The following MCPH1 variants were observed in gnomAD, a reference collection of about 807,000 sequenced individuals.
MCPH1 encodes microcephalin 1.
A neutral mutation model predicts 84.5 loss-of-function variants in MCPH1; 104 were observed. The ratio of observed to expected loss-of-function variants is 1.23; its 90% confidence interval spans 1.05 to 1.45. The LOEUF (loss-of-function observed/expected upper bound fraction) is 1.45. MCPH1 is among the 40% of genes most tolerant of loss of function. The pLI, the probability that MCPH1 is intolerant of heterozygous loss-of-function variation, is 0.00. For missense variants in MCPH1, 1,498 were observed against 1,005.7 expected (o/e 1.49, Z -6.62); for synonymous variants, 514 against 366.8 (o/e 1.40, Z -4.58).
At chr8:6,459,267 A>C (rs1176330633) in intron 9 of MCPH1, among the ~76,000 whole-genome samples, 1 of 142,180 alleles carries the variant, frequency 7.0e-6, no homozygotes, top group East Asian at 2.0e-4. Context: ...TTTGGAACTT[A>C]ACACGGCCTT....
At chr8:6,424,791 G>C (rs771901578) in intron 3 of MCPH1, among the ~76,000 whole-genome samples, 3 of 152,208 alleles carry the variant, frequency 2.0e-5, no homozygotes, top group Non-Finnish European at 4.4e-5. Flanking sequence ...TTCGCTCTCT[G>C]CTGGCAGAGC....
chr8:6,555,283 A>G lies in MCPH1; in HGVS notation c.2214+55354A>G, dbSNP rs550413401. On this transcript the variant is annotated intron_variant, in intron 12 of 13. Transcript: ENST00000344683. The stretch of plus-strand genomic sequence containing the variant: ...TCTAATAGTGGGAAGAGAAGGCCAC[A>G]TGGAACTTCCCTGAGGCTGAATTTC... Among the ~76,000 whole-genome samples, 46 of 152,320 alleles carry G rather than the reference A, an allele frequency of 3.0e-4. 1 individual carries two copies. The highest frequency in any genetic ancestry group is 1.1e-3 in the African/African-American group (45 of 41,574).
intron 11 of MCPH1, among the ~76,000 whole-genome samples, chr8:6,489,286 C>G (rs1472287530): frequency 6.6e-6 from 1 of 151,704 alleles, no homozygotes; most frequent in South Asian, 2.1e-4. Flanking sequence ...GATCTCTGGG[C>G]TGTGCCCCTA....
intron 12 of MCPH1, among the ~76,000 whole-genome samples, chr8:6,538,517 C>G (rs1215933729): frequency 6.6e-6 from 1 of 152,188 alleles, no homozygotes; most frequent in Non-Finnish European, 1.5e-5. Flanking sequence ...ACTGGCGCCC[C>G]TGATCTTGTG....
intron 13 of MCPH1, among the ~76,000 whole-genome samples, chr8:6,636,749 C>G (rs899835064): frequency 6.6e-6 from 1 of 152,190 alleles, no homozygotes; most frequent in Admixed American, 6.5e-5. Flanking sequence ...GTTTTAGACT[C>G]TGGTCCTATC....
At chr8:6,484,319 A>C (rs991668737) in intron 11 of MCPH1, among the ~76,000 whole-genome samples, 3 of 152,240 alleles carry the variant, frequency 2.0e-5, no homozygotes, top group Admixed American at 2.0e-4. Flanking sequence ...GCTCATCATT[A>C]TTGCTCACTT....
At chr8:6,567,153 A>C (rs1826253225) in intron 12 of MCPH1, among the ~76,000 whole-genome samples, 1 of 78,604 alleles carries the variant, frequency 1.3e-5, no homozygotes, top group South Asian at 4.8e-4. Flanking sequence ...GGCCATGGAT[A>C]GTGCCCGTGG....
At chr8:6,544,299 A>G (rs1822141731) in intron 12 of MCPH1, among the ~76,000 whole-genome samples, 2 of 152,342 alleles carry the variant, frequency 1.3e-5, no homozygotes, top group Admixed American at 6.5e-5. Context: ...CCAGCAGTCC[A>G]GCAAAAATGT....
chr8:6,438,969 T>C lies in MCPH1; in HGVS notation c.453T>C (p.Ile151=). The C allele has an allele frequency of 1.2e-6, 2 of 1,612,430 alleles. No homozygotes were observed. The highest frequency in any genetic ancestry group is 1.3e-5 in the African/African-American group (1 of 74,980). The change falls in exon 6 of 14, where the codon ATT becomes ATC. Residue 151 remains isoleucine, a synonymous_variant. Transcript: ENST00000344683. ...QKTNLDDDVP[I]LLFESNGSLI... ...TATTTTCAGATGATGATGTACCTAT[T>C]CTCTTATTTGAATCTAATGGTTCAT...
At chr8:6,558,015 C>G (rs1187500835) in intron 12 of MCPH1, among the ~76,000 whole-genome samples, 3 of 152,188 alleles carry the variant, frequency 2.0e-5, no homozygotes, top group African/African-American at 7.2e-5. Context: ...GTGTCTCTGT[C>G]TCTCCTGCCC....
intron 12 of MCPH1, among the ~76,000 whole-genome samples, chr8:6,570,417 G>C (rs940909190): frequency 6.6e-6 from 1 of 152,172 alleles, no homozygotes; most frequent in African/African-American, 2.4e-5. Context: ...CGGACAGAAA[G>C]CTCTTTGCCA....
At chr8:6,498,073 C>G (rs961291438) in intron 11 of MCPH1, among the ~76,000 whole-genome samples, 4 of 152,198 alleles carry the variant, frequency 2.6e-5, no homozygotes, top group African/African-American at 9.7e-5. Flanking sequence ...TTTCTATTCA[C>G]AGATGCAGTT....
At chr8:6,436,740 C>G (rs866026413) in intron 5 of MCPH1, among the ~76,000 whole-genome samples, 1 of 151,520 alleles carries the variant, frequency 6.6e-6, no homozygotes, top group African/African-American at 2.4e-5. Flanking sequence ...GAGGCAGAGG[C>G]GGGCGGATCA....
chr8:6,449,083 A>G (rs1251629829), intron 8 of MCPH1, among the ~76,000 whole-genome samples: 1 of 152,218 alleles, frequency 6.6e-6, no homozygotes, highest in East Asian at 1.9e-4. Context: ...ATTAAGGCTG[A>G]TTTGTAATAA....
chr8:6,514,782 C>T, intron 12 of MCPH1: 1 of 1,613,554 alleles, frequency 6.2e-7, no homozygotes, highest in Admixed American at 1.7e-5. Context: ...AGTAGGCCTG[C>T]AAACAGGAAT....
intron 12 of MCPH1, among the ~76,000 whole-genome samples, chr8:6,536,224 C>T (rs1045583541): frequency 6.6e-6 from 1 of 152,108 alleles, no homozygotes; most frequent in Non-Finnish European, 1.5e-5. Context: ...ACAGGAACAG[C>T]CACAGTAATG....
At chr8:6,477,768 G>C (rs1002416599) in intron 10 of MCPH1, 137 bp downstream of exon 10, 11 of 739,324 alleles carry the variant, frequency 1.5e-5, no homozygotes, top group African/African-American at 1.2e-4. Context: ...ATCTGAGTTA[G>C]AAGATCACTG....
rs1214787687 is a variant in MCPH1 at position 6,482,448 on chromosome 8, C to G, written c.2136+1572C>G. 2.0e-5 allele frequency among the ~76,000 whole-genome samples: 3 copies of G among 152,214 alleles called. No individual in the cohort carries two copies. In the South Asian group the frequency reaches 6.2e-4, roughly 32 times the overall value. On this transcript the variant is annotated intron_variant, in intron 11 of 13. Transcript: ENST00000344683. ...GGGTGGACTACTGTCTCTTTAATAA[C>G]TCTAGCATCAGTGAATGAGTTCTGT...
chr8:6,482,656 T>C (rs1321659262), intron 11 of MCPH1, among the ~76,000 whole-genome samples: 1 of 152,234 alleles, frequency 6.6e-6, no homozygotes, highest in African/African-American at 2.4e-5. Context: ...CGTACTGCCT[T>C]TGCTGTCGAC....
Sources: gnomAD v4.1 joint callset for allele counts (sites outside exome capture counted in the v4.1 genomes callset) on GRCh38, gnomAD v4.1.1 for gene constraint, MANE v1.5 for transcripts, NCBI Gene and HGNC (gene_info 2026-07-23, HGNC 2026-07-21) for gene names.